The following TRPM7 variants were observed in gnomAD, a reference collection of about 807,000 sequenced individuals.
TRPM7 encodes the protein transient receptor potential cation channel subfamily M member 7, also known as LTRPC ion channel family member 7.
In TRPM7, 134 loss-of-function variants were observed where a neutral mutation model predicts 229.7. The ratio of observed to expected loss-of-function variants is 0.58; its 90% CI spans 0.51 to 0.67. The LOEUF is 0.67. Ranked by LOEUF, TRPM7 falls within the 30% of genes least tolerant of loss-of-function variation. The probability of loss-of-function intolerance (pLI) is 0.00; values close to 1 mark genes in which losing one functional copy is unlikely to be tolerated. For missense variants in TRPM7, 1,901 were observed against 2,210.0 expected, an observed-to-expected ratio of 0.86 and a Z score of 2.80; for synonymous variants, 699 against 715.2, an observed-to-expected ratio of 0.98 and a Z score of 0.36.
At chr15:50,586,526 TG>T (rs2059348090) in intron 27 of TRPM7, 38 bp from the exon 28 acceptor site, 13 of 1,403,310 alleles carry the variant, frequency 9.3e-6, no homozygotes, top group African/African-American at 1.4e-5. Flanking sequence ...TGAAAATAAT[TG>T]AACTAAATTT....
rs988553080 is a variant in TRPM7, at chr15:50,557,490, AT to A, written c.*4187del. The A allele has an allele frequency of 1.4e-4, 21 of 152,108 alleles. No homozygotes were observed. Among genetic ancestry groups the A allele is most frequent in the African/African-American group, 5.1e-4 (21 of 41,414 alleles). 9.4% of individuals were successfully genotyped at this position (152,108 alleles called of 1,614,324 possible). A position where few individuals can be genotyped will look rare whatever the true frequency, so the allele number is the denominator to read the frequency against. On this transcript the variant is annotated 3_prime_UTR_variant, in exon 39 of 39. Coordinates refer to ENST00000646667, the MANE Select transcript of TRPM7 (RefSeq NM_017672.6). The stretch of plus-strand genomic sequence containing the variant: ...AGTGGAACAAGGGAGTAATTTTTAT[AT>A]TTTTCTTCACATTTAAAAATATTTT...
chr15:50,585,981 G>A lies in TRPM7; in HGVS notation c.4486+411C>T, dbSNP rs538493864. On this transcript the variant is annotated intron_variant, in intron 28 of 38. Transcript: ENST00000646667. ...GGGTAGACAAATAGTGGTAAATGTGGGAACAGAGTGAGAGAGAAAATTTTC... is the reference window on the plus strand; with the variant it reads ...GGGTAGACAAATAGTGGTAAATGTGAGAACAGAGTGAGAGAGAAAATTTTC... Among the ~76,000 whole-genome samples, 3 of 150,590 alleles carry A rather than the reference G, an allele frequency of 2.0e-5. No individual in the cohort carries two copies. In the East Asian group the frequency reaches 6.1e-4, roughly 31 times the overall value.
chr15:50,663,136 T>C, intron 1 of TRPM7, 90 bp from the exon 2 acceptor site: 1 of 1,010,548 alleles, frequency 9.9e-7, no homozygotes, highest in South Asian at 1.4e-5. Context: ...AACAGTTCTT[T>C]TTTTTTTTTG....
At chr15:50,562,471 G>A (rs1378291131) in intron 38 of TRPM7, among the ~76,000 whole-genome samples, 1 of 152,076 alleles carries the variant, frequency 6.6e-6, no homozygotes, top group Non-Finnish European at 1.5e-5. Flanking sequence ...ATTATAAGCA[G>A]TAAAAAGTGC....
intron 9 of TRPM7, among the ~76,000 whole-genome samples, chr15:50,632,647 A>G (rs2060772370): frequency 6.6e-6 from 1 of 152,214 alleles, no homozygotes; most frequent in Non-Finnish European, 1.5e-5. Context: ...CCTAAAACAG[A>G]AGCACAAATA....
rs763050913 is a variant in TRPM7, at chr15:50,634,392, CTGTT to C, written c.993_996del (p.Thr332LysfsTer36). On this transcript the variant is annotated frameshift_variant, in exon 8 of 39. Transcript: ENST00000646667. LOFTEE classifies it high-confidence loss of function. ...TTGTCATACACTTACCCTCCTTCTT[CTGTT>C]TGTTTATGAATATACGCTAGCAGAT... The C allele has an allele frequency of 1.3e-6, 2 of 1,559,860 alleles. No homozygotes were observed. The highest frequency in any genetic ancestry group is 2.8e-5 in the African/African-American group (2 of 71,160).
At position 50,592,261 on chromosome 15, in the gene TRPM7, G is replaced by C; in HGVS notation, c.3974C>G (p.Pro1325Arg). 6.2e-7 allele frequency: 1 copy of C among 1,613,706 alleles called. No individual in the cohort carries two copies. The highest frequency in any genetic ancestry group is 1.1e-5 in the South Asian group (1 of 91,010). The change falls in exon 26 of 39, where the codon CCC becomes CGC. Residue 1325 changes from proline (P) to arginine (R), a missense_variant. By Grantham distance (103) the Pro-to-Arg change is moderately radical. Around this residue, in one of 8 missense-constraint regions of TRPM7, gnomAD observed 533 missense variants for 497.1 expected, o/e 1.07. Transcript: ENST00000646667. ...GTCTTGACCAAATATATTACACTGG[G>C]GATCTTTGTCATCTTTCATTAAAAT... ...CNILMKDDKD[P>R]QCNIFGQDLP...
intron 2 of TRPM7, among the ~76,000 whole-genome samples, chr15:50,661,888 T>C (rs1193903503): frequency 6.6e-6 from 1 of 152,196 alleles, no homozygotes; most frequent in Non-Finnish European, 1.5e-5. Flanking sequence ...ATATCTTAGA[T>C]TTCCTTAAGT....
At chr15:50,611,679 A>T (rs1479216622) in intron 16 of TRPM7, among the ~76,000 whole-genome samples, 2 of 152,190 alleles carry the variant, frequency 1.3e-5, no homozygotes, top group Non-Finnish European at 2.9e-5. Context: ...CCTGGTAGAG[A>T]GGAAAAACAA....
At chr15:50,665,393 T>TAA (rs5812523) in intron 1 of TRPM7, among the ~76,000 whole-genome samples, 4 of 135,744 alleles carry the variant, frequency 2.9e-5, no homozygotes, top group Admixed American at 7.3e-5. Context: ...AAACTCTGTC[T>TAA]AAAAAAAAAA....
intron 7 of TRPM7, among the ~76,000 whole-genome samples, chr15:50,636,616 T>C (rs2060915684): frequency 6.6e-6 from 1 of 152,226 alleles, no homozygotes; most frequent in African/African-American, 2.4e-5. Flanking sequence ...TTACAAATTT[T>C]CCTTTATTTG....
rs1374634293 is a variant in TRPM7, at chr15:50,560,794, A to G, written c.*884T>C. 6.6e-6 allele frequency: 1 copy of G among 152,660 alleles called. No homozygotes were observed. Among genetic ancestry groups the G allele is most frequent in the East Asian group, 1.9e-4 (1 of 5,202 alleles). The allele number at this position is 152,660 out of a possible 1,614,324, so 9.5% of individuals were successfully genotyped here. Reference sequence around the variant, plus strand: ...CATGTTTACATTCTGATTTGATATAACAATCAATAAAATCTTTGGAGAAGT... The same window carrying G: ...CATGTTTACATTCTGATTTGATATAGCAATCAATAAAATCTTTGGAGAAGT... On this transcript the variant is annotated 3_prime_UTR_variant, in exon 39 of 39. Transcript: ENST00000646667.
intron 22 of TRPM7, among the ~76,000 whole-genome samples, chr15:50,596,882 C>G (rs1333376443): frequency 6.6e-5 from 10 of 152,170 alleles, no homozygotes; most frequent in Admixed American, 6.5e-4. Context: ...GCCCGAATAG[C>G]TGGGACAACA....
chr15:50,577,242 T>C (rs971161549), intron 31 of TRPM7, among the ~76,000 whole-genome samples: 3 of 151,860 alleles, frequency 2.0e-5, no homozygotes, highest in Non-Finnish European at 4.4e-5. Context: ...AAATGTAAAG[T>C]GGAGGAGTGA....
chr15:50,610,906 A>C (rs185114151), intron 17 of TRPM7, among the ~76,000 whole-genome samples, 187 bp downstream of exon 17: 107 of 152,246 alleles, frequency 7.0e-4, no homozygotes, highest in Non-Finnish European at 1.3e-3. Flanking sequence ...AGGATTCAAA[A>C]GTTAAGTAGA....
intron 12 of TRPM7, 48 bp from the exon 13 acceptor site, chr15:50,619,846 A>G: frequency 6.7e-7 from 1 of 1,487,170 alleles, no homozygotes; most frequent in Non-Finnish European, 9.2e-7. Context: ...CTTCTAAACT[A>G]ATTTAAACCT....
At chr15:50,600,356 G>C (rs2059745585) in intron 21 of TRPM7, among the ~76,000 whole-genome samples, 1 of 151,270 alleles carries the variant, frequency 6.6e-6, no homozygotes, top group Non-Finnish European at 1.5e-5. Context: ...AGAATCACTT[G>C]AACCCAGGAG....
chr15:50,610,196 T>C (rs1011301387), intron 17 of TRPM7, among the ~76,000 whole-genome samples: 1 of 152,144 alleles, frequency 6.6e-6, no homozygotes, highest in African/African-American at 2.4e-5. Context: ...ATTATTATGA[T>C]AATAAGGGTA....
At chr15:50,586,300 A>G (rs545619526) in intron 28 of TRPM7, 92 bp downstream of exon 28, 7 of 817,928 alleles carry the variant, frequency 8.6e-6, no homozygotes, top group African/African-American at 5.1e-5. Context: ...CTCCTGCACC[A>G]TTCACTGCTC....
Sources: allele counts gnomAD v4.1 joint callset (sites outside exome capture counted in the v4.1 genomes callset), GRCh38; gene constraint gnomAD v4.1.1; regional missense constraint gnomAD v4.1.1; transcripts MANE v1.5; gene names NCBI Gene and HGNC (gene_info 2026-07-23, HGNC 2026-07-21).